Variants in TRIP12 observed in about 807,000 individuals in gnomAD.
TRIP12 encodes thyroid hormone receptor interactor 12.
Under a neutral mutation model 244.2 loss-of-function variants are expected in TRIP12, and 25 were observed. That is an observed-to-expected ratio of 0.10 (90% CI 0.07 to 0.14). The LOEUF (loss-of-function observed/expected upper bound fraction) is 0.14, where lower values mean the gene tolerates loss of function less well. Ranked by LOEUF, TRIP12 falls within the 10% of genes least tolerant of loss-of-function variation. The probability of loss-of-function intolerance (pLI) is 1.00; values close to 1 mark genes in which losing one functional copy is unlikely to be tolerated. For synonymous variants in TRIP12, 905 were observed against 873.1 expected (o/e 1.04, Z -0.64); for missense variants, 1,677 against 2,486.4 (o/e 0.67, Z 6.92).
At chr2:229,803,482 A>G in intron 20 of TRIP12, 89 bp downstream of exon 20, 1 of 781,176 alleles carries the variant, frequency 1.3e-6, no homozygotes, top group East Asian at 2.7e-5. Flanking sequence ...TTAAATTGAA[A>G]AGCTATCAGT....
At chr2:229,768,830 A>G in intron 40 of TRIP12, 111 bp from the exon 41 acceptor site, 1 of 994,998 alleles carries the variant, frequency 1.0e-6, no homozygotes, top group Admixed American at 3.0e-5. Flanking sequence ...TTTAAATTAC[A>G]CATACATTTT....
chr2:229,855,030 G>A lies in TRIP12; in HGVS notation c.1027+3742C>T, dbSNP rs141804489. Among the ~76,000 whole-genome samples the A allele has an allele frequency of 2.0e-3, 309 of 152,320 alleles. 1 individual carries two copies. Among genetic ancestry groups the A allele is most frequent in the African/African-American group, 7.0e-3 (290 of 41,574 alleles). On this transcript the variant is annotated intron_variant, in intron 4 of 41. Transcript: ENST00000675903. ...TGTAATCCCAGCATTCTGGGAGGCC[G>A]CGGGGGATGGATCACTTGAGGTCAG... is the stretch of plus-strand genomic sequence containing the variant.
At chr2:229,905,390 A>G (rs2072448551) in intron 1 of TRIP12, among the ~76,000 whole-genome samples, 1 of 152,208 alleles carries the variant, frequency 6.6e-6, no homozygotes, top group Non-Finnish European at 1.5e-5. Context: ...GGAAGAGAGA[A>G]GATATATTTT....
At chr2:229,902,680 T>C (rs1404039645) in intron 1 of TRIP12, among the ~76,000 whole-genome samples, 1 of 152,330 alleles carries the variant, frequency 6.6e-6, no homozygotes, top group South Asian at 2.1e-4. Context: ...TGGGTATTAA[T>C]TTTGTGAATT....
chr2:229,917,981 T>C (rs1042979381), intron 1 of TRIP12, among the ~76,000 whole-genome samples: 2 of 152,106 alleles, frequency 1.3e-5, no homozygotes, highest in Admixed American at 6.6e-5. Context: ...TCAGGTTTAT[T>C]AGTATACCTT....
intron 4 of TRIP12, among the ~76,000 whole-genome samples, chr2:229,846,940 A>G (rs1206523352): frequency 1.3e-5 from 2 of 152,254 alleles, no homozygotes; most frequent in African/African-American, 4.8e-5. Context: ...TAGATGCCCA[A>G]TAACAGGGAA....
intron 6 of TRIP12, among the ~76,000 whole-genome samples, chr2:229,831,902 T>TA (rs1553657452): frequency 3.3e-5 from 5 of 149,804 alleles, no homozygotes; most frequent in South Asian, 2.1e-4. Context: ...TTTTTTTTTT[T>TA]AACACAGATG....
chr2:229,790,620 TG>T (rs2041264475), intron 30 of TRIP12, among the ~76,000 whole-genome samples: 1 of 151,746 alleles, frequency 6.6e-6, no homozygotes, highest in African/African-American at 2.4e-5. Flanking sequence ...AGGGAAGACG[TG>T]GGGGAAGAGA....
chr2:229,767,741 C>T lies in TRIP12; in HGVS notation c.6017G>A (p.Ser2006Asn). The T allele has an allele frequency of 6.2e-7, 1 of 1,605,612 alleles. No individual in the cohort carries two copies. The highest frequency in any genetic ancestry group is 8.5e-7 in the Non-Finnish European group (1 of 1,177,534). Residue 2006 changes from serine to asparagine, a missense_variant, in exon 42 of 42, where the codon AGT (serine) becomes AAT (asparagine). This residue lies in a region of TRIP12 where 171 missense variants were observed against 388.4 expected (regional missense o/e 0.44). Transcript: ENST00000675903. ...GACAATTGTCAAAGGTGGATTCAAA[C>T]TCCGGAATCCTGATTAAGAGAAAAA... ...SPRLPVGGFR[S>N]LNPPLTIVRK...
At position 229,798,977 on chromosome 2, in the gene TRIP12, C is replaced by A. The variant is rs758575075; in HGVS notation, c.3380G>T (p.Arg1127Met). 6.2e-7 allele frequency: 1 copy of A among 1,614,182 alleles called. No homozygotes were observed. The highest frequency in any genetic ancestry group is 2.2e-5 in the East Asian group (1 of 44,880). ...GTTGCTGTTGGACTGTGTACTTAAC[C>A]TTCCCCATGTTTTTGGATTCAAGCT... ...LASLNPKTWGRLSTQSNSNNI... is the reference protein window; with the variant it reads ...LASLNPKTWGMLSTQSNSNNI... Residue 1127 changes from arginine to methionine, a missense_variant, in exon 23 of 42, where the codon AGG (arginine) becomes ATG (methionine). Arg to Met is a moderately conservative substitution (Grantham distance 91). This residue lies in a region of TRIP12 where 572 missense variants were observed against 867.8 expected (regional missense o/e 0.66). Transcript: ENST00000675903.
intron 24 of TRIP12, 84 bp from the exon 25 acceptor site, chr2:229,796,866 G>C (rs2042940719): frequency 7.9e-7 from 1 of 1,273,420 alleles, no homozygotes; most frequent in African/African-American, 1.5e-5. Context: ...AAAAGGAAAT[G>C]AATATATTCT....
chr2:229,904,108 T>C (rs989938482), intron 1 of TRIP12, among the ~76,000 whole-genome samples: 3 of 152,176 alleles, frequency 2.0e-5, no homozygotes, highest in Admixed American at 1.3e-4. Flanking sequence ...AAAGCTAGCA[T>C]TTTTAAAAAG....
intron 34 of TRIP12, among the ~76,000 whole-genome samples, chr2:229,785,548 C>A (rs1171284402): frequency 1.3e-5 from 2 of 152,196 alleles, no homozygotes; most frequent in African/African-American, 2.4e-5. Context: ...ACTAACAACA[C>A]AAATGTGTTC....
At chr2:229,832,169 A>G (rs79918091) in intron 6 of TRIP12, among the ~76,000 whole-genome samples, 1 of 152,214 alleles carries the variant, frequency 6.6e-6, no homozygotes, top group Admixed American at 6.5e-5. Flanking sequence ...TAAAAAAAAA[A>G]TTCTTAGAAA....
At position 229,792,941 on chromosome 2, in the gene TRIP12, T is replaced by C. The variant is rs760458323; in HGVS notation, c.4141+32A>G. Reference sequence around the variant, plus strand: ...TGTAAATTTCTCCCAAATATACATATATAACACACGAAACAAATATATGGA... The same window carrying C: ...TGTAAATTTCTCCCAAATATACATACATAACACACGAAACAAATATATGGA... On this transcript the variant is annotated intron_variant, in intron 27 of 41. Coordinates refer to ENST00000675903, the MANE Select transcript of TRIP12 (RefSeq NM_001348323.3). The C allele has an allele frequency of 5.0e-6, 8 of 1,601,666 alleles. No individual in the cohort carries two copies. The Admixed American group carries it at 6.9e-5, about 14-fold the overall frequency.
chr2:229,917,177 A>G (rs975764213), intron 1 of TRIP12, among the ~76,000 whole-genome samples: 1 of 151,952 alleles, frequency 6.6e-6, no homozygotes, highest in Non-Finnish European at 1.5e-5. Flanking sequence ...TCAGGAAATC[A>G]AGACCATCCT....
chr2:229,842,855 C>T (rs1261122856), intron 4 of TRIP12, among the ~76,000 whole-genome samples: 2 of 152,208 alleles, frequency 1.3e-5, no homozygotes, highest in Non-Finnish European at 2.9e-5. Context: ...TGTCCTAAAA[C>T]AGACTTCACT....
At position 229,805,746 on chromosome 2, in the gene TRIP12, T is replaced by C; in HGVS notation, c.2634A>G (p.Leu878=). The stretch of plus-strand genomic sequence containing the variant: ...TGTACTTACTAGTGTTACTATTGGC[T>C]AACGGGTTAGGTTTTCTCTGAATGG... ...ARAIQRKPNP[L]ANSNTSGYSE... The change falls in exon 18 of 42, where the codon TTA becomes TTG. Residue 878 remains leucine (L), a synonymous_variant. Coordinates refer to ENST00000675903, the MANE Select transcript of TRIP12 (RefSeq NM_001348323.3). 1 of 1,598,304 alleles carries C rather than the reference T, an allele frequency of 6.3e-7. No individual in the cohort carries two copies. Among genetic ancestry groups the C allele is most frequent in the Non-Finnish European group, 8.6e-7 (1 of 1,167,602 alleles).
chr2:229,857,536 CAGG>C (rs1242436115), intron 4 of TRIP12, among the ~76,000 whole-genome samples: 2 of 151,724 alleles, frequency 1.3e-5, no homozygotes, highest in African/African-American at 2.4e-5. Context: ...GAGGCTGAGA[CAGG>C]AGAATTGCTT....
Sources: allele counts gnomAD v4.1 joint callset (sites outside exome capture counted in the v4.1 genomes callset), GRCh38; gene constraint gnomAD v4.1.1; regional missense constraint gnomAD v4.1.1; transcripts MANE v1.5; gene names NCBI Gene and HGNC (gene_info 2026-07-23, HGNC 2026-07-21).